LRRC4C: variants seen among roughly 807,000 people sequenced by gnomAD.
LRRC4C encodes leucine rich repeat containing 4C, also known as leucine-rich repeat-containing protein 4C.
Under a neutral mutation model 33.6 loss-of-function variants are expected in LRRC4C, and 5 were observed. That is an observed-to-expected ratio of 0.15 (90% CI 0.08 to 0.31). The LOEUF (loss-of-function observed/expected upper bound fraction) is 0.31, where lower values mean the gene tolerates loss of function less well. Ranked by LOEUF, LRRC4C falls within the 10% of genes least tolerant of loss-of-function variation. The probability of loss-of-function intolerance (pLI) is 1.00; values close to 1 mark genes in which losing one functional copy is unlikely to be tolerated. For synonymous variants in LRRC4C, 329 were observed against 302.0 expected (o/e 1.09, Z -0.93); for missense variants, 560 against 796.7 (o/e 0.70, Z 3.58).
intron 2 of LRRC4C, among the ~76,000 whole-genome samples, chr11:40,867,539 A>G (rs940234717): frequency 9.9e-5 from 15 of 152,214 alleles, no homozygotes; most frequent in Non-Finnish European, 1.5e-4. Context: ...TCTGAAAAGT[A>G]GAAATAAATC....
chr11:41,264,258 A>T (rs147128894), intron 1 of LRRC4C, among the ~76,000 whole-genome samples: 1 of 151,838 alleles, frequency 6.6e-6, no homozygotes, highest in Admixed American at 6.6e-5. Context: ...CGTCCAGCTA[A>T]TTTTTGTATT....
At chr11:40,651,315 T>C (rs1229813484) in intron 2 of LRRC4C, among the ~76,000 whole-genome samples, 2 of 148,662 alleles carry the variant, frequency 1.3e-5, no homozygotes, top group Non-Finnish European at 3.0e-5. Context: ...TGGTACATAG[T>C]AAGAAAACAT....
intron 1 of LRRC4C, among the ~76,000 whole-genome samples, chr11:41,245,107 T>G (rs774721681): frequency 1.3e-5 from 2 of 152,208 alleles, no homozygotes; most frequent in Non-Finnish European, 2.9e-5. Flanking sequence ...TTTTCTTATC[T>G]GTAAAATAAG....
At chr11:40,409,389 A>T (rs1196175549) in intron 3 of LRRC4C, among the ~76,000 whole-genome samples, 1 of 152,022 alleles carries the variant, frequency 6.6e-6, no homozygotes, top group African/African-American at 2.4e-5. Flanking sequence ...AAATAGACAA[A>T]TTAAATTACA....
Position 40,146,960 on chromosome 11 carries a change from T to C in LRRC4C, c.-95-6107A>G, listed in dbSNP as rs189280245. On this transcript the variant is annotated intron_variant, in intron 5 of 6. Coordinates refer to ENST00000528697, the MANE Select transcript of LRRC4C (RefSeq NM_001258419.2). ...ACAGGATCAAATTAAGTCATTGCTTTCAAACTTAAACTTTACTCAAAGTGG... is the reference window on the plus strand; with the variant it reads ...ACAGGATCAAATTAAGTCATTGCTTCCAAACTTAAACTTTACTCAAAGTGG... Among the ~76,000 whole-genome samples the C allele has an allele frequency of 5.3e-5, 8 of 152,296 alleles. No homozygotes were observed. The East Asian group carries it at 1.5e-3, about 29-fold the overall frequency.
At chr11:40,795,474 G>A (rs1173513129) in intron 2 of LRRC4C, among the ~76,000 whole-genome samples, 6 of 152,276 alleles carry the variant, frequency 3.9e-5, no homozygotes, top group South Asian at 2.1e-4. Flanking sequence ...AGCTTGCAAT[G>A]AGCCGAGATC....
chr11:40,630,614 A>G (rs1019890755), intron 3 of LRRC4C, among the ~76,000 whole-genome samples: 1 of 152,194 alleles, frequency 6.6e-6, no homozygotes, highest in Non-Finnish European at 1.5e-5. Flanking sequence ...CTGAGTTTAT[A>G]CAACTCAAAA....
At chr11:40,478,469 G>A (rs116968199) in intron 3 of LRRC4C, among the ~76,000 whole-genome samples, 2,505 of 152,236 alleles carry the variant, frequency 0.016, 36 homozygotes, top group South Asian at 0.033. Context: ...TTGGAGATTA[G>A]TTTTTTAGGG....
At chr11:41,088,428 T>C (rs938936885) in intron 1 of LRRC4C, among the ~76,000 whole-genome samples, 1 of 148,728 alleles carries the variant, frequency 6.7e-6, no homozygotes, top group African/African-American at 2.5e-5. Flanking sequence ...ATTATAGTTG[T>C]CATTATTATT....
chr11:40,792,490 G>C (rs983691050), intron 2 of LRRC4C, among the ~76,000 whole-genome samples: 37 of 152,116 alleles, frequency 2.4e-4, no homozygotes, highest in Admixed American at 4.6e-4. Flanking sequence ...GGAAACAACA[G>C]GTGTTGGAGA....
chr11:41,133,487 C>T (rs1385551062), intron 1 of LRRC4C, among the ~76,000 whole-genome samples: 2 of 144,436 alleles, frequency 1.4e-5, no homozygotes, highest in Non-Finnish European at 1.5e-5. Context: ...CCCCCCCCCG[C>T]CCCCGCCAAC....
chr11:40,378,217 G>T (rs1948733222), intron 3 of LRRC4C, among the ~76,000 whole-genome samples: 1 of 151,972 alleles, frequency 6.6e-6, no homozygotes, highest in South Asian at 2.1e-4. Context: ...GACAGATGAA[G>T]AAATTGATCT....
chr11:40,290,913 G>C (rs932989226), intron 4 of LRRC4C, among the ~76,000 whole-genome samples: 1 of 151,976 alleles, frequency 6.6e-6, no homozygotes, highest in Non-Finnish European at 1.5e-5. Flanking sequence ...CTCATAAAAC[G>C]GCATCCAAAA....
At chr11:40,708,436 G>A (rs1198447642) in intron 2 of LRRC4C, among the ~76,000 whole-genome samples, 1 of 152,154 alleles carries the variant, frequency 6.6e-6, no homozygotes, top group East Asian at 1.9e-4. Flanking sequence ...TGGTTTCAAA[G>A]AACATCTTTA....
At chr11:40,982,260 A>G (rs1852597343) in intron 1 of LRRC4C, among the ~76,000 whole-genome samples, 1 of 152,236 alleles carries the variant, frequency 6.6e-6, no homozygotes. Context: ...TATATCAACT[A>G]CATATTTTAC....
intron 1 of LRRC4C, among the ~76,000 whole-genome samples, chr11:41,196,549 A>C (rs764251677): frequency 3.0e-4 from 46 of 152,090 alleles, no homozygotes; most frequent in Non-Finnish European, 6.6e-4. Flanking sequence ...ATACTTGATC[A>C]CTGATAGTTA....
chr11:40,615,203 A>T lies in LRRC4C; in HGVS notation c.-270+32939T>A, dbSNP rs1319871070. The stretch of plus-strand genomic sequence containing the variant: ...TTCTAGACCCTATAGTTCTGTTAAT[A>T]CTGTCTATGCAATCACTCGATGCAT... On this transcript the variant is annotated intron_variant, in intron 3 of 6. Coordinates refer to ENST00000528697, the MANE Select transcript of LRRC4C (RefSeq NM_001258419.2). Among the ~76,000 whole-genome samples, 3 of 147,558 alleles carry T rather than the reference A, an allele frequency of 2.0e-5. No homozygotes were observed. The South Asian group carries it at 6.5e-4, about 32-fold the overall frequency.
intron 3 of LRRC4C, among the ~76,000 whole-genome samples, chr11:40,435,280 T>G (rs1447025943): frequency 2.0e-5 from 3 of 152,202 alleles, no homozygotes; most frequent in Non-Finnish European, 4.4e-5. Flanking sequence ...GAGGCAGACA[T>G]TACCCTGTGC....
At chr11:40,992,218 T>A (rs2137264703) in intron 1 of LRRC4C, among the ~76,000 whole-genome samples, 1 of 152,298 alleles carries the variant, frequency 6.6e-6, no homozygotes, top group African/African-American at 2.4e-5. Flanking sequence ...TGAGAATATA[T>A]GAGAATTCAG....
Sources: gnomAD v4.1 joint callset for allele counts (sites outside exome capture counted in the v4.1 genomes callset) on GRCh38, gnomAD v4.1.1 for gene constraint, MANE v1.5 for transcripts, NCBI Gene and HGNC (gene_info 2026-07-23, HGNC 2026-07-21) for gene names.